TMEM220: variants seen among roughly 807,000 people sequenced by gnomAD.
TMEM220 encodes transmembrane protein 220.
Under a neutral mutation model 21.7 loss-of-function variants are expected in TMEM220, and 21 were observed. The ratio of observed to expected loss-of-function variants is 0.97; its 90% confidence interval spans 0.69 to 1.39. The LOEUF is 1.39. Ranked by LOEUF, TMEM220 falls within the 40% of genes most tolerant of loss-of-function variation. The pLI, the probability that TMEM220 is intolerant of heterozygous loss-of-function variation, is 0.00. For missense variants in TMEM220, 191 were observed against 201.9 expected (o/e 0.95, Z 0.33); for synonymous variants, 80 against 73.6 (o/e 1.09, Z -0.45).
rs1313531062 is a variant in TMEM220 at position 10,728,976 on chromosome 17, T to C, written c.102+55A>G. Reference sequence around the variant, plus strand: ...TAAAGACATAAAACCGTGTGTTTTGTGCCGTTCCCCAATTCTTCCAAACGG... The same window carrying C: ...TAAAGACATAAAACCGTGTGTTTTGCGCCGTTCCCCAATTCTTCCAAACGG... On this transcript the variant is annotated intron_variant, in intron 2 of 5. Coordinates refer to ENST00000341871, the MANE Select transcript of TMEM220 (RefSeq NM_001004313.3). 72 of 1,591,468 alleles carry C rather than the reference T, an allele frequency of 4.5e-5. No individual in the cohort carries two copies. In the Middle Eastern group the frequency reaches 6.6e-4, roughly 15 times the overall value.
At chr17:10,721,604 C>CAAAAAAAAAAAAA (rs1194075248) in intron 5 of TMEM220, among the ~76,000 whole-genome samples, 4 of 35,832 alleles carry the variant, frequency 1.1e-4, no homozygotes, top group East Asian at 7.5e-4. Context: ...GACTCTGTCT[C>CAAAAAAAAAAAAA]AAAAAAAAAA....
intron 5 of TMEM220, among the ~76,000 whole-genome samples, chr17:10,719,470 T>C (rs912749044): frequency 1.3e-4 from 20 of 152,130 alleles, no homozygotes; most frequent in Non-Finnish European, 1.6e-4. Context: ...ATTGCACCAT[T>C]TGGCCAGGCT....
At chr17:10,729,095 T>A (rs748454176) in intron 1 of TMEM220, 35 bp from the exon 2 acceptor site, 57 of 1,613,078 alleles carry the variant, frequency 3.5e-5, no homozygotes, top group Non-Finnish European at 4.7e-5. Context: ...TTAGCAGACA[T>A]CCTGTGCTGT....
At chr17:10,728,153 T>C (rs1459876381) in intron 2 of TMEM220, among the ~76,000 whole-genome samples, 1 of 144,438 alleles carries the variant, frequency 6.9e-6, no homozygotes, top group Non-Finnish European at 1.5e-5. Context: ...AGAGCAAAAC[T>C]CCGTCTCAAA....
At chr17:10,726,141 G>C (rs753181043) in intron 3 of TMEM220, 63 bp downstream of exon 3, 2 of 1,361,554 alleles carry the variant, frequency 1.5e-6, no homozygotes, top group African/African-American at 2.9e-5. Context: ...TGGGCAGATA[G>C]ACCCTCATTA....
At chr17:10,721,903 G>A (rs2074997056) in intron 5 of TMEM220, among the ~76,000 whole-genome samples, 2 of 151,168 alleles carry the variant, frequency 1.3e-5, no homozygotes, top group Non-Finnish European at 2.9e-5. Context: ...GCTGGTGTTT[G>A]TAGTTTTTTT....
intron 5 of TMEM220, 44 bp downstream of exon 5, chr17:10,723,226 G>C (rs776117208): frequency 6.4e-7 from 1 of 1,562,554 alleles, no homozygotes; most frequent in Non-Finnish European, 8.8e-7. Flanking sequence ...TGATCTGCCC[G>C]CCTCGGCCTC....
intron 5 of TMEM220, among the ~76,000 whole-genome samples, chr17:10,719,168 T>C (rs2074957679): frequency 9.1e-6 from 1 of 110,218 alleles, no homozygotes; most frequent in African/African-American, 4.3e-5. Flanking sequence ...GAATCTACTT[T>C]CTAATAAGTG....
chr17:10,725,494 G>A (rs12451355), intron 3 of TMEM220, among the ~76,000 whole-genome samples: 2,736 of 152,284 alleles, frequency 0.018, 92 homozygotes, highest in East Asian at 0.15. Flanking sequence ...CAGCACAAAC[G>A]GACAAGCAAT....
At chr17:10,729,749 G>A in intron 1 of TMEM220, 31 bp downstream of exon 1, 1 of 1,334,872 alleles carries the variant, frequency 7.5e-7, no homozygotes, top group South Asian at 1.8e-5. Context: ...TGGGAGCCGG[G>A]CGGGTCCCCC....
intron 5 of TMEM220, among the ~76,000 whole-genome samples, chr17:10,719,682 A>G (rs146266463): frequency 9.8e-5 from 15 of 152,362 alleles, no homozygotes; most frequent in African/African-American, 3.4e-4. Context: ...AGGTTTTCCT[A>G]ACTATGACTC....
At chr17:10,723,192 G>T (rs2075012233) in intron 5 of TMEM220, 78 bp downstream of exon 5, 1 of 1,223,746 alleles carries the variant, frequency 8.2e-7, no homozygotes, top group African/African-American at 1.5e-5. Flanking sequence ...TATTGGCCAG[G>T]ATGGTCTTGA....
intron 4 of TMEM220, 34 bp downstream of exon 4, chr17:10,724,977 T>C (rs1309982607): frequency 1.2e-6 from 2 of 1,613,650 alleles, no homozygotes; most frequent in African/African-American, 1.3e-5. Context: ...ATCCCACAGT[T>C]CTATCCCTCC....
rs890749543 is a variant in TMEM220 at position 10,714,022 on chromosome 17, T to C, written c.*1431A>G. 6.6e-6 allele frequency: 1 copy of C among 152,194 alleles called. No individual in the cohort carries two copies. The highest frequency in any genetic ancestry group is 2.4e-5 in the African/African-American group (1 of 41,446). The allele number at this position is 152,194 out of a possible 1,614,324, so 9.4% of individuals were successfully genotyped here. A position where few individuals can be genotyped will look rare whatever the true frequency, so the allele number is the denominator to read the frequency against. On this transcript the variant is annotated 3_prime_UTR_variant, in exon 6 of 6. Transcript: ENST00000341871. ...TGTATGTAAAATGTTGCCATCTAGA[T>C]ACTTAAATACAGGACTGTCCAACAG... is the stretch of plus-strand genomic sequence containing the variant.
rs571313725 is a variant in TMEM220 at position 10,723,816 on chromosome 17, T to G, written c.288-487A>C. The stretch of plus-strand genomic sequence containing the variant: ...CACTTCCTAGGGGAGAGGAATGATT[T>G]GTAGTACAAATCAGACTAATAATTT... On this transcript the variant is annotated intron_variant, in intron 4 of 5. Transcript: ENST00000341871. Among the ~76,000 whole-genome samples, 9 of 152,352 alleles carry G rather than the reference T, an allele frequency of 5.9e-5. No homozygotes were observed. The South Asian group carries it at 1.0e-3, about 18-fold the overall frequency.
chr17:10,729,724 G>A, intron 1 of TMEM220, 56 bp downstream of exon 1: 1 of 1,297,550 alleles, frequency 7.7e-7, no homozygotes, highest in South Asian at 2.0e-5. Context: ...GGCCCGCTAG[G>A]CCAGGGGGCG....
rs760194038 is a variant in TMEM220, at chr17:10,715,445, G to T, written c.*8C>A. On this transcript the variant is annotated 3_prime_UTR_variant, in exon 6 of 6. Coordinates refer to ENST00000341871, the MANE Select transcript of TMEM220 (RefSeq NM_001004313.3). ...TATTCATTTTAAAAACGAAGTTCTT[G>T]AATTTATTTAAATTACTGTCTTGCA... is the stretch of plus-strand genomic sequence containing the variant. The T allele has an allele frequency of 8.9e-6, 14 of 1,577,236 alleles. No individual in the cohort carries two copies. The highest frequency in any genetic ancestry group is 1.1e-5 in the Non-Finnish European group (13 of 1,171,192).
At chr17:10,717,365 G>T (rs1032785161) in intron 5 of TMEM220, among the ~76,000 whole-genome samples, 6 of 152,160 alleles carry the variant, frequency 3.9e-5, no homozygotes, top group African/African-American at 1.4e-4. Context: ...CATTTTCTAA[G>T]AGCTTTTAAC....
At chr17:10,726,438 A>G (rs1393490736) in intron 2 of TMEM220, 174 bp from the exon 3 acceptor site, 3 of 632,234 alleles carry the variant, frequency 4.7e-6, no homozygotes, top group Non-Finnish European at 8.6e-6. Flanking sequence ...TGTGGCACTT[A>G]GCACGTCTGC....
Sources: allele counts gnomAD v4.1 joint callset (sites outside exome capture counted in the v4.1 genomes callset), GRCh38; gene constraint gnomAD v4.1.1; transcripts MANE v1.5; gene names NCBI Gene and HGNC (gene_info 2026-07-23, HGNC 2026-07-21).